The following AEBP2 variants were observed in gnomAD, a reference collection of about 807,000 sequenced individuals.
AEBP2 encodes AE binding protein 2.
A neutral mutation model predicts 50.8 loss-of-function variants in AEBP2; 10 were observed. The observed-to-expected ratio is 0.20, with a 90% CI of 0.12 to 0.33. The LOEUF is 0.33. Ranked by LOEUF, AEBP2 falls within the 10% of genes least tolerant of loss-of-function variation. The pLI is 1.00. For synonymous variants in AEBP2, 296 were observed against 261.3 expected (o/e 1.13, Z -1.28); for missense variants, 570 against 688.0 (o/e 0.83, Z 1.92).
intron 2 of AEBP2, 138 bp downstream of exon 2, chr12:19,462,855 T>C (rs1221184718): frequency 2.5e-6 from 2 of 788,114 alleles, no homozygotes; most frequent in East Asian, 5.4e-5. Flanking sequence ...GAATTTTTAA[T>C]AATTATTTCC....
At chr12:19,465,904 G>C (rs148376649) in intron 2 of AEBP2, among the ~76,000 whole-genome samples, 1 of 150,596 alleles carries the variant, frequency 6.6e-6, no homozygotes, top group African/African-American at 2.4e-5. Context: ...CAATTCTGCT[G>C]CCTCAGCATC....
At chr12:19,462,413 C>T (rs992196681) in intron 1 of AEBP2, 97 bp from the exon 2 acceptor site, 3 of 998,762 alleles carry the variant, frequency 3.0e-6, no homozygotes, top group Non-Finnish European at 3.0e-6. Flanking sequence ...TCACATGGAG[C>T]AGAATGTCAA....
intron 1 of AEBP2, chr12:19,456,711 A>T: frequency 1.3e-6 from 2 of 1,585,004 alleles, no homozygotes; most frequent in Middle Eastern, 2.0e-4. Context: ...ATTGAAGCCC[A>T]CATTGTCCCC....
At chr12:19,433,087 A>T (rs1235349254) in intron 1 of AEBP2, among the ~76,000 whole-genome samples, 2 of 149,580 alleles carry the variant, frequency 1.3e-5, no homozygotes, top group Non-Finnish European at 3.0e-5. Context: ...ACCAGTATTT[A>T]AAAAAAAAAA....
At chr12:19,479,453 T>G (rs2153373702) in intron 3 of AEBP2, among the ~76,000 whole-genome samples, 1 of 152,252 alleles carries the variant, frequency 6.6e-6, no homozygotes, top group South Asian at 2.1e-4. Flanking sequence ...AAAGAACAGC[T>G]GAGAAATTCA....
intron 5 of AEBP2, among the ~76,000 whole-genome samples, chr12:19,503,296 A>G (rs1294802174): frequency 6.6e-6 from 1 of 151,308 alleles, no homozygotes; most frequent in Non-Finnish European, 1.5e-5. Context: ...CCTTGTAGAG[A>G]TTGTTTACCT....
chr12:19,408,682 A>T (rs2153362985), intron 1 of AEBP2, among the ~76,000 whole-genome samples: 1 of 152,174 alleles, frequency 6.6e-6, no homozygotes, highest in South Asian at 2.1e-4. Context: ...CAGGTGGATC[A>T]CGAGGTCAGG....
chr12:19,414,751 C>T (rs1007525629), intron 1 of AEBP2, among the ~76,000 whole-genome samples: 2 of 152,056 alleles, frequency 1.3e-5, no homozygotes, highest in African/African-American at 4.8e-5. Context: ...GGTCAAACCT[C>T]GTCTGTACCA....
chr12:19,462,333 C>T (rs1181672926), intron 1 of AEBP2, among the ~76,000 whole-genome samples, 177 bp from the exon 2 acceptor site: 1 of 152,020 alleles, frequency 6.6e-6, no homozygotes, highest in East Asian at 1.9e-4. Context: ...TTGATTTGTA[C>T]TTCATTGCCA....
Position 19,495,399 on chromosome 12 carries a change from C to G in AEBP2, c.1174+1413C>G, listed in dbSNP as rs185433099. ...ACTAATTCCAGACTACGAAATTAGT[C>G]TGTAAAACATTGAAATCTTTTTGTT... On this transcript the variant is annotated intron_variant, in intron 4 of 7. Coordinates refer to ENST00000266508, the MANE Select transcript of AEBP2 (RefSeq NM_153207.5). 2.9e-3 allele frequency among the ~76,000 whole-genome samples: 449 copies of G among 152,286 alleles called. 1 individual carries two copies. The highest frequency in any genetic ancestry group is 0.011 in the African/African-American group (442 of 41,554).
At chr12:19,457,189 A>G (rs1420202068) in intron 1 of AEBP2, 4 of 1,597,910 alleles carry the variant, frequency 2.5e-6, no homozygotes, top group African/African-American at 2.7e-5. Flanking sequence ...AACACCGACA[A>G]TTAGTTGTTT....
intron 6 of AEBP2, 141 bp downstream of exon 6, chr12:19,512,606 A>G: frequency 1.7e-6 from 1 of 599,408 alleles, no homozygotes. Context: ...GATTAAAGAG[A>G]TAATCTGAAA....
intron 4 of AEBP2, among the ~76,000 whole-genome samples, chr12:19,499,493 A>G (rs927138685): frequency 6.6e-6 from 1 of 151,980 alleles, no homozygotes; most frequent in African/African-American, 2.4e-5. Context: ...GTGCGCCTGT[A>G]GTCCCAGCTA....
At chr12:19,499,952 A>C (rs1949041483) in intron 4 of AEBP2, 145 bp from the exon 5 acceptor site, 1 of 800,492 alleles carries the variant, frequency 1.2e-6, no homozygotes. Context: ...TAGTCTTCTT[A>C]TCTAGAGTCC....
chr12:19,471,909 C>T (rs563213123), intron 2 of AEBP2, among the ~76,000 whole-genome samples: 2 of 152,040 alleles, frequency 1.3e-5, no homozygotes, highest in East Asian at 1.9e-4. Context: ...AGAACCTTGG[C>T]CATTAGTTTA....
In AEBP2 at chr12:19,440,377, G is replaced by T; in HGVS notation, c.671+7G>T. The T allele has an allele frequency of 2.0e-6, 3 of 1,475,916 alleles. No homozygotes were observed. Among genetic ancestry groups the T allele is most frequent in the South Asian group, 1.4e-5 (1 of 70,128 alleles). 91.4% of individuals were successfully genotyped at this position (1,475,916 alleles called of 1,614,324 possible). On this transcript the variant is annotated splice_region_variant and intron_variant, in intron 1 of 7. Coordinates refer to ENST00000266508, the MANE Select transcript of AEBP2 (RefSeq NM_153207.5). Reference sequence around the variant, plus strand: ...GCATGGACTCGGAGGACAGGTCAGTGCTCTGAAGCGTTTCCCCTTCCCTTC... The same window carrying T: ...GCATGGACTCGGAGGACAGGTCAGTTCTCTGAAGCGTTTCCCCTTCCCTTC...
At chr12:19,456,834 A>G in intron 1 of AEBP2, 1 of 1,543,068 alleles carries the variant, frequency 6.5e-7, no homozygotes, top group Non-Finnish European at 9.0e-7. Flanking sequence ...ACCAGTCTCC[A>G]CTCGGCCAAC....
At chr12:19,436,294 C>T (rs972125022), upstream of AEBP2, among the ~76,000 whole-genome samples, 11 of 152,174 alleles carry the variant, frequency 7.2e-5, no homozygotes, top group African/African-American at 2.7e-4. Flanking sequence ...ACCCTCATTT[C>T]CAGGAACTGC....
At chr12:19,505,239 T>G (rs1279802291) in intron 5 of AEBP2, among the ~76,000 whole-genome samples, 1 of 152,030 alleles carries the variant, frequency 6.6e-6, no homozygotes, top group African/African-American at 2.4e-5. Flanking sequence ...GTAATACAGA[T>G]TTTTTTTGTT....
Sources: allele counts gnomAD v4.1 joint callset (sites outside exome capture counted in the v4.1 genomes callset), GRCh38; gene constraint gnomAD v4.1.1; transcripts MANE v1.5; gene names NCBI Gene and HGNC (gene_info 2026-07-23, HGNC 2026-07-21).